GALNT10: variants seen among roughly 807,000 people sequenced by gnomAD.
GALNT10 encodes the protein polypeptide N-acetylgalactosaminyltransferase 10.
GALNT10 carries 41 observed loss-of-function variants against 75.0 expected under a neutral mutation model. That is an observed-to-expected ratio of 0.55 (90% CI 0.43 to 0.71). The LOEUF is 0.71. Ranked by LOEUF, GALNT10 falls within the 30% of genes least tolerant of loss-of-function variation. GALNT10 has a pLI of 0.00. For synonymous variants in GALNT10, 302 were observed against 313.0 expected (o/e 0.96, Z 0.37); for missense variants, 727 against 818.5 (o/e 0.89, Z 1.36).
intron 1 of GALNT10, among the ~76,000 whole-genome samples, chr5:154,203,122 C>G (rs374970110): frequency 1.3e-5 from 2 of 152,190 alleles, no homozygotes; most frequent in African/African-American, 4.8e-5. Flanking sequence ...GGGGAAGCCC[C>G]GGTGTGAGTT....
chr5:154,305,755 C>T (rs944554895), intron 3 of GALNT10, among the ~76,000 whole-genome samples: 1 of 152,192 alleles, frequency 6.6e-6, no homozygotes, highest in African/African-American at 2.4e-5. Flanking sequence ...CAGTGGCTCT[C>T]ACCTGTAATC....
intron 1 of GALNT10, among the ~76,000 whole-genome samples, chr5:154,268,155 G>A (rs1011087974): frequency 2.0e-5 from 3 of 152,162 alleles, no homozygotes; most frequent in African/African-American, 7.2e-5. Flanking sequence ...ACAATTAACA[G>A]ACTCCATCAC....
At chr5:154,332,212 A>ATT (rs980858734) in intron 4 of GALNT10, among the ~76,000 whole-genome samples, 4 of 152,156 alleles carry the variant, frequency 2.6e-5, no homozygotes, top group Admixed American at 2.0e-4. Context: ...CTGCAGCATA[A>ATT]ACAGCCTCCA....
At chr5:154,197,048 C>A (rs1432271563) in intron 1 of GALNT10, among the ~76,000 whole-genome samples, 1 of 152,176 alleles carries the variant, frequency 6.6e-6, no homozygotes, top group Admixed American at 6.5e-5. Context: ...AACCTGCAGT[C>A]TGGAGGTCTG....
chr5:154,286,483 G>T (rs1405048643), intron 1 of GALNT10, among the ~76,000 whole-genome samples: 1 of 151,600 alleles, frequency 6.6e-6, no homozygotes, highest in East Asian at 1.9e-4. Context: ...AGCTACTGAA[G>T]GTTCTATTTG....
intron 1 of GALNT10, among the ~76,000 whole-genome samples, chr5:154,224,923 G>A (rs1753038186): frequency 6.6e-6 from 1 of 151,882 alleles, no homozygotes; most frequent in African/African-American, 2.4e-5. Flanking sequence ...TAGGACTACA[G>A]GTGTGCACCA....
At chr5:154,276,915 A>G (rs1274237718) in intron 1 of GALNT10, among the ~76,000 whole-genome samples, 1 of 152,122 alleles carries the variant, frequency 6.6e-6, no homozygotes, top group African/African-American at 2.4e-5. Context: ...AGGTGGGAGG[A>G]CAAGATACAA....
chr5:154,409,294 A>C lies in GALNT10; in HGVS notation c.1165-247A>C, dbSNP rs1392490322. Among the ~76,000 whole-genome samples, 1 of 152,198 alleles carries C rather than the reference A, an allele frequency of 6.6e-6. No individual in the cohort carries two copies. The highest frequency in any genetic ancestry group is 1.9e-4 in the East Asian group (1 of 5,198). ...ATCAGTGGGGGCTATCGCTAGAAGA[A>C]GATGGGATGGAAGATGGGCAGGCAA... is the stretch of plus-strand genomic sequence containing the variant. On this transcript the variant is annotated intron_variant, in intron 8 of 11. Transcript: ENST00000297107. The surrounding 1 kb of genome is among the most constrained non-coding windows in gnomAD (Gnocchi z 4.5).
At chr5:154,209,791 T>G (rs1775166549) in intron 1 of GALNT10, among the ~76,000 whole-genome samples, 1 of 152,156 alleles carries the variant, frequency 6.6e-6, no homozygotes, top group African/African-American at 2.4e-5. Flanking sequence ...TAACAGTCAG[T>G]CTCTAACACT....
intron 7 of GALNT10, among the ~76,000 whole-genome samples, chr5:154,397,994 A>T (rs756763942): frequency 1.4e-4 from 22 of 152,332 alleles, no homozygotes; most frequent in Non-Finnish European, 2.6e-4. Context: ...TTTTATAGGC[A>T]CTGTAATGAA....
At chr5:154,293,064 A>G (rs149880512) in intron 1 of GALNT10, among the ~76,000 whole-genome samples, 1 of 152,208 alleles carries the variant, frequency 6.6e-6, no homozygotes, top group African/African-American at 2.4e-5. Flanking sequence ...TAGGAGAAAG[A>G]ATACAAAGGA....
At chr5:154,293,613 A>ATATATATATTTTTTTTT in intron 1 of GALNT10, among the ~76,000 whole-genome samples, 1 of 109,360 alleles carries the variant, frequency 9.1e-6, no homozygotes, top group African/African-American at 4.2e-5. Context: ...ATATATATAT[A>ATATATATATTTTTTTTT]TTTTTTTTTT....
intron 10 of GALNT10, among the ~76,000 whole-genome samples, chr5:154,415,560 A>G (rs1200462112): frequency 2.6e-5 from 4 of 152,146 alleles, no homozygotes; most frequent in African/African-American, 9.7e-5. Flanking sequence ...CCTGTTCTCA[A>G]GCTCCTGGCC....
intron 1 of GALNT10, among the ~76,000 whole-genome samples, chr5:154,254,712 A>G (rs944179666): frequency 6.6e-6 from 1 of 152,142 alleles, no homozygotes; most frequent in African/African-American, 2.4e-5. Context: ...TATTGAGAAG[A>G]TGTCTAAGGC....
In GALNT10 at chr5:154,295,752, A is replaced by G. The variant is rs1754263298; in HGVS notation, c.262+834A>G. On this transcript the variant is annotated intron_variant, in intron 2 of 11. Transcript: ENST00000297107. Reference sequence around the variant, plus strand: ...ATACTCCCAGAGCCTCAGTTTTTCCATCTGTCTGTGGGACTCATGCCTCAT... The same window carrying G: ...ATACTCCCAGAGCCTCAGTTTTTCCGTCTGTCTGTGGGACTCATGCCTCAT... 3.3e-5 allele frequency among the ~76,000 whole-genome samples: 5 copies of G among 152,194 alleles called. No homozygotes were observed. In the South Asian group the frequency reaches 1.0e-3, roughly 32 times the overall value.
chr5:154,348,430 T>A (rs1755160221), intron 4 of GALNT10, among the ~76,000 whole-genome samples: 1 of 152,268 alleles, frequency 6.6e-6, no homozygotes, highest in South Asian at 2.1e-4. Flanking sequence ...TCTTCCTTTT[T>A]GACACCTGCT....
In GALNT10 at chr5:154,386,356, T is replaced by A; in HGVS notation, c.982T>A (p.Trp328Arg). Residue 328 changes from tryptophan (W) to arginine (R), a missense_variant, in exon 7 of 12, where the codon TGG becomes AGG. Trp to Arg is a moderately radical substitution (Grantham distance 101). Coordinates refer to ENST00000297107, the MANE Select transcript of GALNT10 (RefSeq NM_198321.4). Reference protein sequence around the residue: ...AGGLFAVDRKWFWELGGYDPG... With the variant: ...AGGLFAVDRKRFWELGGYDPG... ...TGGACTGTTCGCCGTGGATCGGAAG[T>A]GGTTCTGGGAACTCGGCGGGTATGA... The A allele has an allele frequency of 6.2e-7, 1 of 1,614,070 alleles. No homozygotes were observed. The highest frequency in any genetic ancestry group is 1.1e-5 in the South Asian group (1 of 91,060).
chr5:154,357,047 G>A (rs973407447), intron 4 of GALNT10, among the ~76,000 whole-genome samples: 9 of 152,160 alleles, frequency 5.9e-5, no homozygotes, highest in African/African-American at 9.7e-5. Flanking sequence ...ATACATTCCC[G>A]GGTATGTTTA....
At chr5:154,379,686 C>T (rs1405392388) in intron 5 of GALNT10, among the ~76,000 whole-genome samples, 1 of 152,212 alleles carries the variant, frequency 6.6e-6, no homozygotes, top group Non-Finnish European at 1.5e-5. Flanking sequence ...TTTCTAGAAT[C>T]AGCTTCTCCC....
Sources: allele counts gnomAD v4.1 joint callset (sites outside exome capture counted in the v4.1 genomes callset), GRCh38; gene constraint gnomAD v4.1.1; non-coding constraint Gnocchi (gnomAD v3.1); transcripts MANE v1.5; gene names NCBI Gene and HGNC (gene_info 2026-07-23, HGNC 2026-07-21).